PRR5: variants seen among roughly 807,000 people sequenced by gnomAD.
PRR5 encodes proline-rich protein 5.
Under a neutral mutation model 30.6 loss-of-function variants are expected in PRR5, and 25 were observed. The observed-to-expected ratio is 0.82, with a 90% confidence interval of 0.60 to 1.14. The LOEUF is 1.14. PRR5 is among the 50% of genes most tolerant of loss of function. PRR5 has a pLI of 0.00. For synonymous variants in PRR5, 286 were observed against 247.1 expected, an observed-to-expected ratio of 1.16 and a Z score of -1.48; for missense variants, 600 against 547.1, an observed-to-expected ratio of 1.10 and a Z score of -0.96.
upstream of PRR5, among the ~76,000 whole-genome samples, chr22:44,698,667 C>T (rs5765913): frequency 0.12 from 18,850 of 152,244 alleles, 1,456 homozygotes; most frequent in East Asian, 0.28. Flanking sequence ...GGAGCTGTCA[C>T]GTGGGGCTCA....
At chr22:44,732,727 A>G (rs892702491) in intron 6 of PRR5, among the ~76,000 whole-genome samples, 4 of 150,684 alleles carry the variant, frequency 2.7e-5, no homozygotes, top group Non-Finnish European at 1.5e-5. Context: ...GCACGTGCAC[A>G]TGCATACACA....
chr22:44,695,294 CAAAG>C (rs1456954022), intron 1 of PRR5, among the ~76,000 whole-genome samples: 5 of 152,104 alleles, frequency 3.3e-5, no homozygotes, highest in African/African-American at 4.8e-5. Flanking sequence ...TGTTCAGGGA[CAAAG>C]AAAGACAAAG....
chr22:44,709,857 A>C (rs1419393357), intron 1 of PRR5, among the ~76,000 whole-genome samples: 1 of 152,062 alleles, frequency 6.6e-6, no homozygotes, highest in Non-Finnish European at 1.5e-5. Flanking sequence ...ATCTCAAAAA[A>C]ACAAACAGAG....
chr22:44,722,720 G>GTT (rs1050514574), intron 2 of PRR5, among the ~76,000 whole-genome samples: 15 of 152,336 alleles, frequency 9.8e-5, no homozygotes, highest in Non-Finnish European at 1.9e-4. Flanking sequence ...CCAGATCCAT[G>GTT]GTTAAGAGAG....
rs770362466 is a variant in PRR5, at chr22:44,731,807, T to C, written c.400T>C (p.Phe134Leu). 1.7e-5 allele frequency: 27 copies of C among 1,613,342 alleles called. No homozygotes were observed. The East Asian group carries it at 4.2e-4, about 25-fold the overall frequency. The stretch of plus-strand genomic sequence containing the variant: ...CGTGCTGCCCATGCTGCAGGCCATC[T>C]TCTACCCGGTGCAGGTGGGCAGCCC... ...SDVLPMLQAI[F>L]YPVQGKEPSV... Residue 134 changes from phenylalanine to leucine, a missense_variant, in exon 5 of 8, where the codon TTC becomes CTC. Phe to Leu is a conservative substitution (Grantham distance 22). Transcript: ENST00000336985.
intron 6 of PRR5, 150 bp downstream of exon 6, chr22:44,732,541 C>CG: frequency 7.9e-7 from 1 of 1,263,920 alleles, no homozygotes; most frequent in Non-Finnish European, 1.1e-6. Context: ...GGCCAGGGAC[C>CG]GGGGAGCAGC....
rs56850092 is a variant in PRR5, at chr22:44,670,229, C to T, written c.-11+1424C>T. ...AACTTTGCTGTGTCCCTGGGCAAGC[C>T]GCTCCCCTCTTGGAGCCCAAGTCCC... On this transcript the variant is annotated intron_variant, in intron 1 of 8. Transcript: ENST00000432186. 1.5e-3 allele frequency among the ~76,000 whole-genome samples: 222 copies of T among 152,290 alleles called. 1 individual carries two copies. Among genetic ancestry groups the T allele is most frequent in the African/African-American group, 5.1e-3 (211 of 41,576 alleles).
In PRR5 at chr22:44,737,609, C is replaced by T. The variant is rs551555563; in HGVS notation, c.*362C>T. The T allele has an allele frequency of 4.2e-6, 1 of 239,126 alleles. No individual in the cohort carries two copies. The highest frequency in any genetic ancestry group is 9.9e-5 in the South Asian group (1 of 10,070). 14.8% of individuals were successfully genotyped at this position (239,126 alleles called of 1,614,324 possible). A position where few individuals can be genotyped will look rare whatever the true frequency, so the allele number is the denominator to read the frequency against. On this transcript the variant is annotated 3_prime_UTR_variant, in exon 8 of 8. Transcript: ENST00000336985. ...GCCGGGCCCCAAAGTGACCAGACTC[C>T]AGCACACCTGTCTCCTCCTGCCTGG...
intron 1 of PRR5, among the ~76,000 whole-genome samples, chr22:44,696,721 G>GTATT (rs56370664): frequency 0.043 from 6,325 of 147,964 alleles, 149 homozygotes; most frequent in Non-Finnish European, 0.057. Context: ...ATGAACTTAC[G>GTATT]TATTTATTTA....
intron 1 of PRR5, among the ~76,000 whole-genome samples, chr22:44,692,340 C>A (rs551247563): frequency 7.1e-6 from 1 of 140,054 alleles, no homozygotes; most frequent in Non-Finnish European, 1.6e-5. Context: ...CCTCCCAGGG[C>A]TCCTCCTGGG....
At chr22:44,732,807 TAC>T (rs67000437) in intron 6 of PRR5, among the ~76,000 whole-genome samples, 6,968 of 138,922 alleles carry the variant, frequency 0.05, 280 homozygotes, top group African/African-American at 0.089. Context: ...TGCACACGCA[TAC>T]ACACTACACG....
chr22:44,685,372 CA>C (rs1388844128), intron 1 of PRR5, among the ~76,000 whole-genome samples: 1 of 152,048 alleles, frequency 6.6e-6, no homozygotes, highest in Non-Finnish European at 1.5e-5. Flanking sequence ...AACAAACAAA[CA>C]AAAAACGATT....
At position 44,686,217 on chromosome 22, in the gene PRR5, C is replaced by T. The variant is rs60049555; in HGVS notation, c.-11+8977C>T. ...AGTGAGCTGAGATCGCACCACTGCA[C>T]TCCAGCCTGGGCGACAGAGTGAGAC... On this transcript the variant is annotated intron_variant, in intron 1 of 8. Transcript: ENST00000006251. 2.8e-3 allele frequency among the ~76,000 whole-genome samples: 425 copies of T among 152,144 alleles called. 2 individuals carry two copies. Among genetic ancestry groups the T allele is most frequent in the African/African-American group, 1.0e-2 (415 of 41,528 alleles).
At chr22:44,686,811 G>A (rs1052204846) in intron 1 of PRR5, among the ~76,000 whole-genome samples, 4 of 152,134 alleles carry the variant, frequency 2.6e-5, no homozygotes, top group Admixed American at 1.3e-4. Flanking sequence ...ACTGGGTTTT[G>A]CCATGCTGGC....
chr22:44,694,615 T>C (rs2146977980), intron 1 of PRR5, among the ~76,000 whole-genome samples: 2 of 151,794 alleles, frequency 1.3e-5, no homozygotes, highest in Middle Eastern at 6.8e-3. Flanking sequence ...AAGCCTGCCC[T>C]CCTGCCTGAG....
upstream of PRR5, among the ~76,000 whole-genome samples, chr22:44,697,277 C>T (rs1394638202): frequency 6.6e-6 from 1 of 152,218 alleles, no homozygotes; most frequent in Non-Finnish European, 1.5e-5. Context: ...GGCCCTGACT[C>T]AGGAACCTCC....
chr22:44,714,895 C>A (rs1928823805), intron 2 of PRR5, among the ~76,000 whole-genome samples: 1 of 152,232 alleles, frequency 6.6e-6, no homozygotes, highest in Admixed American at 6.5e-5. Flanking sequence ...TAAACCACTT[C>A]AGGCCTGGTG....
chr22:44,694,336 G>A (rs1037956253), intron 1 of PRR5, among the ~76,000 whole-genome samples: 6 of 152,130 alleles, frequency 3.9e-5, no homozygotes, highest in Non-Finnish European at 8.8e-5. Context: ...TCAGAAGTTC[G>A]AGACCAGCCT....
intron 1 of PRR5, among the ~76,000 whole-genome samples, chr22:44,688,880 C>T (rs141824451): frequency 5.9e-4 from 90 of 152,046 alleles, no homozygotes; most frequent in African/African-American, 2.0e-3. Flanking sequence ...CCCAGCTACT[C>T]GGGAGGCTGA....
Sources: gnomAD v4.1 joint callset for allele counts (sites outside exome capture counted in the v4.1 genomes callset) on GRCh38, gnomAD v4.1.1 for gene constraint, MANE v1.5 for transcripts, NCBI Gene and HGNC (gene_info 2026-07-23, HGNC 2026-07-21) for gene names.